Variants in CHM observed in about 807,000 individuals in gnomAD.
CHM encodes CHM Rab escort protein, also known as rab proteins geranylgeranyltransferase component A 1.
In CHM, 10 loss-of-function variants were observed where a neutral mutation model predicts 49.0. The observed-to-expected ratio is 0.20, with a 90% confidence interval of 0.13 to 0.35. The LOEUF is 0.35. CHM is among the 10% of genes least tolerant of loss of function. CHM has a pLI of 1.00. For missense variants in CHM, 455 were observed against 478.4 expected (o/e 0.95, Z 0.46); for synonymous variants, 184 against 167.5 (o/e 1.10, Z -0.76).
chrX:85,991,419 C>T (rs1384080814), intron 2 of CHM, among the ~76,000 whole-genome samples: 1 of 111,282 alleles, frequency 9.0e-6, no homozygotes, highest in Non-Finnish European at 1.9e-5. Context: ...CTGGCTAGCA[C>T]CATTTAGTCC....
intron 2 of CHM, among the ~76,000 whole-genome samples, chrX:85,983,930 G>A (rs984440919): frequency 9.0e-5 from 10 of 111,307 alleles, no homozygotes; most frequent in African/African-American, 2.0e-4. Flanking sequence ...GATCGGGCAC[G>A]GTGGTTCATG....
intron 12 of CHM, among the ~76,000 whole-genome samples, chrX:85,886,252 C>A (rs1338331713): frequency 1.8e-5 from 2 of 111,738 alleles, no homozygotes; most frequent in Non-Finnish European, 3.8e-5. Flanking sequence ...GCATAATAAG[C>A]ATATTTAGCA....
At chrX:85,987,061 G>C (rs1210190212) in intron 2 of CHM, among the ~76,000 whole-genome samples, 1 of 110,503 alleles carries the variant, frequency 9.0e-6, no homozygotes, top group Non-Finnish European at 1.9e-5. Context: ...CAACCTGAGG[G>C]AAGAATCTCA....
rs745313239 is a variant in CHM at position 86,042,065 on chromosome X, C to A, written c.49+5419G>T. On this transcript the variant is annotated intron_variant, in intron 1 of 14. Transcript: ENST00000357749. ...TAAATATCAGTTTTCACAACTCCTC[C>A]TGCAATATTACTATCCCCCAAGGCT... is the stretch of plus-strand genomic sequence containing the variant. Among the ~76,000 whole-genome samples the A allele has an allele frequency of 3.6e-5, 4 of 110,093 alleles. No homozygotes were observed. The South Asian group carries it at 1.6e-3, about 43-fold the overall frequency.
chrX:85,904,394 C>T (rs1240100487), intron 9 of CHM, among the ~76,000 whole-genome samples: 1 of 110,979 alleles, frequency 9.0e-6, no homozygotes, highest in Non-Finnish European at 1.9e-5. Flanking sequence ...ATTGGTTCAA[C>T]GATATAAGTG....
At chrX:85,999,519 G>A (rs763764056) in intron 2 of CHM, among the ~76,000 whole-genome samples, 2 of 111,855 alleles carry the variant, frequency 1.8e-5, no homozygotes, top group Admixed American at 9.5e-5. Flanking sequence ...AAAAGGATCA[G>A]TTGAGGTCAT....
rs1252608037 is a variant in CHM, at chrX:85,894,171, C to T, written c.1510+17G>A. ...TAAACAAACACAAAATACAAATAAC[C>T]ACTCTACTATGCTTACAGGTGCCTT... On this transcript the variant is annotated intron_variant, in intron 12 of 14. Coordinates refer to ENST00000357749, the MANE Select transcript of CHM (RefSeq NM_000390.4). The T allele has an allele frequency of 8.6e-7, 1 of 1,162,752 alleles. No individual in the cohort carries two copies. The highest frequency in any genetic ancestry group is 2.2e-5 in the Admixed American group (1 of 45,951).
intron 1 of CHM, among the ~76,000 whole-genome samples, chrX:86,043,349 A>G (rs1032108897): frequency 9.0e-6 from 1 of 111,048 alleles, no homozygotes; most frequent in Non-Finnish European, 1.9e-5. Flanking sequence ...AGTACTCCTT[A>G]TAATTTCCAT....
chrX:85,871,260 T>C (rs1187150932), intron 14 of CHM, among the ~76,000 whole-genome samples: 2 of 97,170 alleles, frequency 2.1e-5, no homozygotes, highest in African/African-American at 3.9e-5. Context: ...TGAGCCAAGA[T>C]TGCGCCACTG....
intron 2 of CHM, among the ~76,000 whole-genome samples, chrX:86,015,528 G>A (rs1306746484): frequency 2.7e-5 from 3 of 111,945 alleles, no homozygotes; most frequent in African/African-American, 6.5e-5. Flanking sequence ...GTAACAGGCA[G>A]AGGTTGGAAC....
At chrX:85,950,250 G>A (rs902300317) in intron 8 of CHM, among the ~76,000 whole-genome samples, 9 of 106,003 alleles carry the variant, frequency 8.5e-5, no homozygotes, top group Admixed American at 2.1e-4. Flanking sequence ...TGAATCAGTA[G>A]AAACAATACA....
intron 8 of CHM, among the ~76,000 whole-genome samples, chrX:85,950,007 A>ATATATATATATATC (rs1929653898): frequency 1.2e-5 from 1 of 81,936 alleles, no homozygotes; most frequent in Non-Finnish European, 2.4e-5. Flanking sequence ...ATATATATAT[A>ATATATATATATATC]TATCTTGTAA....
intron 14 of CHM, among the ~76,000 whole-genome samples, chrX:85,865,595 G>A (rs1019345144): frequency 1.8e-5 from 2 of 111,710 alleles, no homozygotes; most frequent in Non-Finnish European, 3.8e-5. Context: ...GCAGAGGTTA[G>A]AACAGTTTGG....
At chrX:85,893,071 G>A (rs1925582627) in intron 12 of CHM, among the ~76,000 whole-genome samples, 1 of 111,502 alleles carries the variant, frequency 9.0e-6, no homozygotes, top group South Asian at 3.7e-4. Flanking sequence ...CCTATGGTAA[G>A]GGAATATCTT....
At chrX:85,885,640 G>T (rs1343272215) in intron 12 of CHM, among the ~76,000 whole-genome samples, 1 of 111,147 alleles carries the variant, frequency 9.0e-6, no homozygotes. Flanking sequence ...TCTATATTTT[G>T]ATTATATTTG....
At position 85,863,745 on chromosome X, in the gene CHM, T is replaced by C. The variant is rs1923519544; in HGVS notation, c.*885A>G. On this transcript the variant is annotated 3_prime_UTR_variant, in exon 15 of 15. Transcript: ENST00000357749. ...TGGCAAACCGATTCTAAACATGGCATTGCATTGTCTTCATAACCATTCTCA... is the reference window on the plus strand; with the variant it reads ...TGGCAAACCGATTCTAAACATGGCACTGCATTGTCTTCATAACCATTCTCA... 8.9e-6 allele frequency: 1 copy of C among 112,051 alleles called. No homozygotes were observed. The highest frequency in any genetic ancestry group is 3.2e-5 in the African/African-American group (1 of 30,848). The allele number at this position is 112,051 out of a possible 1,213,427, so 9.2% of individuals were successfully genotyped here.
intron 2 of CHM, among the ~76,000 whole-genome samples, chrX:86,011,979 T>A (rs960478847): frequency 2.7e-5 from 3 of 112,375 alleles, no homozygotes; most frequent in African/African-American, 9.7e-5. Context: ...AGACTCATTT[T>A]GAACTTCTGA....
At chrX:85,897,184 T>C (rs1230089224) in intron 11 of CHM, among the ~76,000 whole-genome samples, 4 of 98,069 alleles carry the variant, frequency 4.1e-5, no homozygotes, top group Non-Finnish European at 7.9e-5. Context: ...ATTATATATA[T>C]ACTATATATT....
intron 8 of CHM, among the ~76,000 whole-genome samples, chrX:85,940,454 C>T (rs945194784): frequency 1.8e-5 from 2 of 111,268 alleles, no homozygotes; most frequent in East Asian, 2.8e-4. Context: ...ATTTTTCAAG[C>T]GGTTATGGTT....
Sources: gnomAD v4.1 joint callset for allele counts (sites outside exome capture counted in the v4.1 genomes callset) on GRCh38, gnomAD v4.1.1 for gene constraint, MANE v1.5 for transcripts, NCBI Gene and HGNC (gene_info 2026-07-23, HGNC 2026-07-21) for gene names.